EDEM1: variants seen among roughly 807,000 people sequenced by gnomAD.
EDEM1 encodes ER degradation enhancing alpha-mannosidase like protein 1.
In EDEM1, 67 loss-of-function variants were observed where a neutral mutation model predicts 74.4. That is an observed-to-expected ratio of 0.90 (90% CI 0.74 to 1.10). EDEM1 has a LOEUF of 1.10. EDEM1 is among the 50% of genes least tolerant of loss of function. The pLI is 0.00. For synonymous variants in EDEM1, 382 were observed against 335.9 expected (o/e 1.14, Z -1.50); for missense variants, 926 against 851.6 (o/e 1.09, Z -1.09).
Position 5,217,361 on chromosome 3 carries a change from T to C in EDEM1, c.*1443T>C, listed in dbSNP as rs1294323491. The C allele has an allele frequency of 6.6e-6, 1 of 152,612 alleles. No individual in the cohort carries two copies. The highest frequency in any genetic ancestry group is 1.9e-4 in the East Asian group (1 of 5,192). 9.5% of individuals were successfully genotyped at this position (152,612 alleles called of 1,614,324 possible). A position where few individuals can be genotyped will look rare whatever the true frequency, so the allele number is the denominator to read the frequency against. On this transcript the variant is annotated 3_prime_UTR_variant, in exon 12 of 12. Coordinates refer to ENST00000256497, the MANE Select transcript of EDEM1 (RefSeq NM_014674.3). ...TGGAAACGCATTCTAGTAAAAAAGG[T>C]AGGAAATCCCTAAAACTTCCAGCCT...
intron 1 of EDEM1, among the ~76,000 whole-genome samples, chr3:5,193,345 C>T (rs2054924125): frequency 6.6e-6 from 1 of 152,202 alleles, no homozygotes; most frequent in Non-Finnish European, 1.5e-5. Context: ...GCCCCTCCTG[C>T]AACCCTTGCA....
At chr3:5,214,603 C>T (rs557730530) in intron 11 of EDEM1, among the ~76,000 whole-genome samples, 40 of 152,174 alleles carry the variant, frequency 2.6e-4, no homozygotes, top group Non-Finnish European at 4.7e-4. Flanking sequence ...CCATTCTAAA[C>T]GCTTACGTAC....
At chr3:5,197,295 G>T (rs899306074) in intron 2 of EDEM1, among the ~76,000 whole-genome samples, 1 of 152,098 alleles carries the variant, frequency 6.6e-6, no homozygotes, top group East Asian at 1.9e-4. Context: ...GAGAAATTCC[G>T]TATGTCTGGT....
Position 5,195,211 on chromosome 3 carries a change from C to T in EDEM1, c.512C>T (p.Ser171Leu). The T allele has an allele frequency of 1.3e-6, 2 of 1,512,742 alleles. No homozygotes were observed. The highest frequency in any genetic ancestry group is 1.8e-6 in the Non-Finnish European group (2 of 1,126,024). 93.7% of individuals were successfully genotyped at this position (1,512,742 alleles called of 1,614,324 possible). ...RGRGPDRGDPSNLNINDVLGN... is the reference protein window; with the variant it reads ...RGRGPDRGDPLNLNINDVLGN... ...TGAATTTTAATTTTCTTTTTCAGTT[C>T]AAATCTGAACATCAATGATGTACTA... is the stretch of plus-strand genomic sequence containing the variant. The change falls in exon 2 of 12, where the codon TCA (serine) becomes TTA (leucine). Residue 171 changes from serine to leucine, a missense_variant and splice_region_variant. Coordinates refer to ENST00000256497, the MANE Select transcript of EDEM1 (RefSeq NM_014674.3).
At chr3:5,189,555 G>C (rs997659234) in intron 1 of EDEM1, 3 of 151,994 alleles carry the variant, frequency 2.0e-5, no homozygotes, top group African/African-American at 7.3e-5. Context: ...CAATTTTTTT[G>C]AGAAAAAATA....
At chr3:5,189,217 C>A (rs1466606430) in intron 1 of EDEM1, among the ~76,000 whole-genome samples, 2 of 151,362 alleles carry the variant, frequency 1.3e-5, no homozygotes, top group Non-Finnish European at 2.9e-5. Context: ...TGACTCCCCT[C>A]CCCTGGATGG....
rs185303884 is a variant in EDEM1 at position 5,204,844 on chromosome 3, A to T, written c.1043-223A>T. On this transcript the variant is annotated intron_variant, in intron 5 of 11. Coordinates refer to ENST00000256497, the MANE Select transcript of EDEM1 (RefSeq NM_014674.3). ...TATTTTTATTTTGCATTAAATGTTT[A>T]TCCCCATGTTTGTGTCAGTAAATGC... Among the ~76,000 whole-genome samples, 166 of 152,342 alleles carry T rather than the reference A, an allele frequency of 1.1e-3. 1 individual carries two copies. The highest frequency in any genetic ancestry group is 0.01 in the Middle Eastern group (3 of 294).
At position 5,205,254 on chromosome 3, in the gene EDEM1, A is replaced by G. The variant is rs758393841; in HGVS notation, c.1217+13A>G. ...ACTTAAGAAGAGGGTATGTCTCCCT[A>G]ACATCTCCTCTGTTGCCTTGTAAAG... On this transcript the variant is annotated intron_variant, in intron 6 of 11. Coordinates refer to ENST00000256497, the MANE Select transcript of EDEM1 (RefSeq NM_014674.3). The G allele has an allele frequency of 5.2e-5, 83 of 1,608,406 alleles. No individual in the cohort carries two copies. The highest frequency in any genetic ancestry group is 6.9e-5 in the Non-Finnish European group (81 of 1,177,074).
intron 3 of EDEM1, among the ~76,000 whole-genome samples, chr3:5,200,591 A>AT (rs2055022832): frequency 6.6e-6 from 1 of 152,228 alleles, no homozygotes; most frequent in Non-Finnish European, 1.5e-5. Flanking sequence ...TATCAACTGC[A>AT]TAACATTCCA....
intron 1 of EDEM1, chr3:5,189,547 A>ATTT: frequency 6.6e-6 from 1 of 152,256 alleles, no homozygotes. Context: ...TTCTATCTCA[A>ATTT]TTTTTTTGAG....
chr3:5,204,980 AG>A, intron 5 of EDEM1, 86 bp from the exon 6 acceptor site: 2 of 1,411,898 alleles, frequency 1.4e-6, no homozygotes, highest in Non-Finnish European at 1.9e-6. Flanking sequence ...GCTGAGGAGC[AG>A]TGTGGTTGGA....
rs370497661 is a variant in EDEM1, at chr3:5,202,282, C to T, written c.858+358C>T. On this transcript the variant is annotated intron_variant, in intron 4 of 11. Transcript: ENST00000256497. ...TCATCTCTGACTTGGGTCTGTTTTCCCAGAGATCCTCACATGGGTATTGCG... is the reference window on the plus strand; with the variant it reads ...TCATCTCTGACTTGGGTCTGTTTTCTCAGAGATCCTCACATGGGTATTGCG... 3.9e-5 allele frequency among the ~76,000 whole-genome samples: 6 copies of T among 152,246 alleles called. No individual in the cohort carries two copies. In the South Asian group the frequency reaches 6.2e-4, roughly 16 times the overall value.
intron 1 of EDEM1, among the ~76,000 whole-genome samples, chr3:5,194,320 G>C (rs992877834): frequency 6.6e-6 from 1 of 152,086 alleles, no homozygotes; most frequent in Non-Finnish European, 1.5e-5. Context: ...GGATTTTTGG[G>C]AATGGGACAA....
At chr3:5,194,605 T>G (rs1024329187) in intron 1 of EDEM1, among the ~76,000 whole-genome samples, 9 of 152,154 alleles carry the variant, frequency 5.9e-5, no homozygotes, top group Non-Finnish European at 8.8e-5. Context: ...AAGGCCTCAA[T>G]TCCTGCCTAG....
rs899233378 is a variant in EDEM1 at position 5,216,567 on chromosome 3, C to T, written c.*649C>T. 6.6e-6 allele frequency: 1 copy of T among 152,332 alleles called. No homozygotes were observed. The highest frequency in any genetic ancestry group is 2.4e-5 in the African/African-American group (1 of 41,452). The allele number at this position is 152,332 out of a possible 1,614,324, so 9.4% of individuals were successfully genotyped here. On this transcript the variant is annotated 3_prime_UTR_variant, in exon 12 of 12. Transcript: ENST00000256497. ...ATAATTGGGGTCTTCCCCTGATATC[C>T]AACCGTGATTTTGGATCACATGGGA...
intron 11 of EDEM1, among the ~76,000 whole-genome samples, chr3:5,215,467 G>A (rs185213261): frequency 3.3e-5 from 5 of 152,348 alleles, no homozygotes; most frequent in East Asian, 3.9e-4. Flanking sequence ...TGGCCACGAA[G>A]CAGTTGCTGC....
chr3:5,188,954 T>A (rs185243461), intron 1 of EDEM1, among the ~76,000 whole-genome samples: 67 of 152,246 alleles, frequency 4.4e-4, no homozygotes, highest in Non-Finnish European at 2.5e-4. Context: ...TGAGGTGAAA[T>A]TCACTGGATG....
chr3:5,205,353 A>G (rs2055084332), intron 6 of EDEM1, 112 bp downstream of exon 6: 20 of 1,049,250 alleles, frequency 1.9e-5, no homozygotes, highest in Non-Finnish European at 2.7e-5. Context: ...CTCTGCCCTC[A>G]CCTTACCACC....
chr3:5,197,334 C>T (rs1311820729), intron 2 of EDEM1, among the ~76,000 whole-genome samples: 1 of 152,168 alleles, frequency 6.6e-6, no homozygotes, highest in Non-Finnish European at 1.5e-5. Context: ...CAGTGCCCAT[C>T]AGCATTTTAA....
Sources: allele counts gnomAD v4.1 joint callset (sites outside exome capture counted in the v4.1 genomes callset), GRCh38; gene constraint gnomAD v4.1.1; transcripts MANE v1.5; gene names NCBI Gene and HGNC (gene_info 2026-07-23, HGNC 2026-07-21).